Variants in LMTK2 observed in about 807,000 individuals in gnomAD.
LMTK2 encodes lemur tail kinase 2.
LMTK2 carries 37 observed loss-of-function variants against 127.5 expected under a neutral mutation model. The observed-to-expected ratio is 0.29, with a 90% CI of 0.22 to 0.38. The LOEUF (loss-of-function observed/expected upper bound fraction) is 0.38, where lower values mean the gene tolerates loss of function less well. Ranked by LOEUF, LMTK2 falls within the 10% of genes least tolerant of loss-of-function variation. The pLI is 1.00. For missense variants in LMTK2, 1,694 were observed against 1,920.3 expected (o/e 0.88, Z 2.20); for synonymous variants, 819 against 810.1 (o/e 1.01, Z -0.19).
chr7:98,144,457 T>C (rs897413588), intron 3 of LMTK2, among the ~76,000 whole-genome samples: 1 of 149,520 alleles, frequency 6.7e-6, no homozygotes. Context: ...AAAGAAAAAA[T>C]ATATATATAT....
At chr7:98,173,018 G>A (rs559547981) in intron 7 of LMTK2, among the ~76,000 whole-genome samples, 5 of 152,246 alleles carry the variant, frequency 3.3e-5, no homozygotes, top group South Asian at 4.2e-4. Flanking sequence ...TCAGCCTCCC[G>A]AAGTGCCAGG....
intron 5 of LMTK2, 90 bp from the exon 6 acceptor site, chr7:98,159,248 A>C: frequency 1.3e-6 from 1 of 742,764 alleles, no homozygotes; most frequent in Non-Finnish European, 2.1e-6. Flanking sequence ...TTGGATTACT[A>C]TTTGAATAAT....
At position 98,203,608 on chromosome 7, in the gene LMTK2, G is replaced by C; in HGVS notation, c.4142G>C (p.Gly1381Ala). Residue 1381 changes from glycine (G) to alanine (A), a missense_variant, in exon 12 of 14, where the codon GGA (glycine) becomes GCA (alanine). By Grantham distance (60) the Gly-to-Ala change is moderately conservative (BLOSUM62 0). This residue lies in a region of LMTK2 where 554 missense variants were observed against 567.7 expected (regional missense o/e 0.98). Transcript: ENST00000297293. ...TPTKELGPCGGEACGPDLSGP... is the reference protein window; with the variant it reads ...TPTKELGPCGAEACGPDLSGP... ...ACCAAAGAGCTGGGGCCCTGTGGAG[G>C]AGAGGCGTGCGGCCCGGACCTGAGC... The C allele has an allele frequency of 6.2e-7, 1 of 1,607,812 alleles. No individual in the cohort carries two copies. The highest frequency in any genetic ancestry group is 8.5e-7 in the Non-Finnish European group (1 of 1,178,544).
Position 98,107,228 on chromosome 7 carries a change from C to T in LMTK2, c.51C>T (p.Val17=), listed in dbSNP as rs1796121861. 6.8e-7 allele frequency: 1 copy of T among 1,462,788 alleles called. No individual in the cohort carries two copies. The highest frequency in any genetic ancestry group is 9.0e-7 in the Non-Finnish European group (1 of 1,114,878). 90.6% of individuals were successfully genotyped at this position (1,462,788 alleles called of 1,614,324 possible). ...GGAGGCTGCTGCTGCTGCTGCTGGTCCTCCTGATCGCCGGCAGTGCTGGGG... is the reference window on the plus strand; with the variant it reads ...GGAGGCTGCTGCTGCTGCTGCTGGTTCTCCTGATCGCCGGCAGTGCTGGGG... ...LRRRLLLLLL[V]LLIAGSAGAA... Residue 17 remains valine, a synonymous_variant, in exon 1 of 14, where the codon GTC becomes GTT. Transcript: ENST00000297293.
chr7:98,174,789 A>C (rs529321748), intron 7 of LMTK2, among the ~76,000 whole-genome samples: 1 of 152,338 alleles, frequency 6.6e-6, no homozygotes, highest in South Asian at 2.1e-4. Flanking sequence ...CACAGCCTGC[A>C]GAGTTCAATG....
chr7:98,167,346 A>G (rs570820861), intron 6 of LMTK2, among the ~76,000 whole-genome samples: 2 of 152,370 alleles, frequency 1.3e-5, no homozygotes, highest in African/African-American at 4.8e-5. Context: ...CAGACAAGGA[A>G]ATAAAACAGC....
chr7:98,139,806 G>A (rs1015009776), intron 2 of LMTK2, among the ~76,000 whole-genome samples: 2 of 152,168 alleles, frequency 1.3e-5, no homozygotes, highest in Non-Finnish European at 2.9e-5. Flanking sequence ...TTGGATGGGG[G>A]CTAGGAGAGG....
rs78769499 is a variant in LMTK2 at position 98,128,977 on chromosome 7, G to T, written c.104-8338G>T. On this transcript the variant is annotated intron_variant, in intron 1 of 13. Transcript: ENST00000297293. Reference sequence around the variant, plus strand: ...GTAAGCATCTCACCACTCCAATACAGTGTATGTCAACAGTGGGAAAATGTC... The same window carrying T: ...GTAAGCATCTCACCACTCCAATACATTGTATGTCAACAGTGGGAAAATGTC... Among the ~76,000 whole-genome samples, 318 of 152,276 alleles carry T rather than the reference G, an allele frequency of 2.1e-3. 3 individuals carry two copies. The highest frequency in any genetic ancestry group is 7.4e-3 in the African/African-American group (306 of 41,544).
At chr7:98,174,090 GTTTCATT>G (rs1324363245) in intron 7 of LMTK2, among the ~76,000 whole-genome samples, 2 of 107,868 alleles carry the variant, frequency 1.9e-5, no homozygotes, top group Non-Finnish European at 3.8e-5. Context: ...ATTGACAGCT[GTTTCATT>G]TTGTTGTAAA....
Position 98,161,304 on chromosome 7 carries a change from A to G in LMTK2, c.657+1879A>G, listed in dbSNP as rs558007371. ...ATTTTTTAACCTAACAAAGTCTAAA[A>G]TTAATATTTTAATCCTGCCCCAAAG... is the stretch of plus-strand genomic sequence containing the variant. On this transcript the variant is annotated intron_variant, in intron 6 of 13. Coordinates refer to ENST00000297293, the MANE Select transcript of LMTK2 (RefSeq NM_014916.4). 2.0e-5 allele frequency among the ~76,000 whole-genome samples: 3 copies of G among 152,336 alleles called. No individual in the cohort carries two copies. In the South Asian group the frequency reaches 6.2e-4, roughly 32 times the overall value.
At position 98,193,288 on chromosome 7, in the gene LMTK2, G is replaced by A; in HGVS notation, c.2823G>A (p.Glu941=). 1 of 1,613,868 alleles carries A rather than the reference G, an allele frequency of 6.2e-7. No homozygotes were observed. The highest frequency in any genetic ancestry group is 8.5e-7 in the Non-Finnish European group (1 of 1,180,032). ...SEDHHSHRRL[E]KNLEAVETLN... The stretch of plus-strand genomic sequence containing the variant: ...ACCATCACAGTCATCGCCGGCTAGA[G>A]AAAAACTTAGAGGCTGTGGAGACTT... The change falls in exon 11 of 14, where the codon GAG becomes GAA. Residue 941 remains glutamate, a synonymous_variant. Transcript: ENST00000297293. The surrounding 1 kb of genome is among the most constrained non-coding windows in gnomAD (Gnocchi z 4.1).
chr7:98,168,363 C>T (rs1287800927), intron 6 of LMTK2, among the ~76,000 whole-genome samples: 2 of 152,220 alleles, frequency 1.3e-5, no homozygotes, highest in Non-Finnish European at 2.9e-5. Context: ...TAGACACAGG[C>T]AGAGAGCTGC....
intron 1 of LMTK2, among the ~76,000 whole-genome samples, chr7:98,128,068 C>T (rs938399284): frequency 2.6e-5 from 4 of 152,072 alleles, no homozygotes; most frequent in Non-Finnish European, 5.9e-5. Context: ...CGCTTGAACC[C>T]GGGAGGTGGA....
At position 98,192,170 on chromosome 7, in the gene LMTK2, C is replaced by T. The variant is rs1273781150; in HGVS notation, c.1705C>T (p.Pro569Ser). 3 of 1,527,994 alleles carry T rather than the reference C, an allele frequency of 2.0e-6. No homozygotes were observed. Among genetic ancestry groups the T allele is most frequent in the Admixed American group, 2.2e-5 (1 of 45,650 alleles). The allele number at this position is 1,527,994 out of a possible 1,614,324, so 94.7% of individuals were successfully genotyped here. A position where few individuals can be genotyped will look rare whatever the true frequency, so the allele number is the denominator to read the frequency against. The change falls in exon 11 of 14, where the codon CCA becomes TCA. Residue 569 changes from proline to serine, a missense_variant. Transcript: ENST00000297293. ...SGSNLELDYP[P>S]ALLTTDMDNP... ...TAGTAACTTGGAGCTTGATTACCCA[C>T]CAGCGCTGCTCACAACCGACATGGA...
chr7:98,192,470 T>G lies in LMTK2; in HGVS notation c.2005T>G (p.Leu669Val). The G allele has an allele frequency of 6.2e-7, 1 of 1,611,556 alleles. No homozygotes were observed. The highest frequency in any genetic ancestry group is 1.1e-5 in the South Asian group (1 of 90,290). The change falls in exon 11 of 14, where the codon TTA becomes GTA. Residue 669 changes from leucine to valine, a missense_variant. This residue lies in a region of LMTK2 where 527 missense variants were observed against 539.8 expected (regional missense o/e 0.98). Transcript: ENST00000297293. Reference protein sequence around the residue: ...GVQADFKPATLSSSLDNPKES... With the variant: ...GVQADFKPATVSSSLDNPKES... ...TCAAGCCGACTTTAAACCTGCCACT[T>G]TAAGTTCCAGTTTGGATAACCCCAA...
chr7:98,125,609 A>G (rs1317779007), intron 1 of LMTK2, among the ~76,000 whole-genome samples: 2 of 152,168 alleles, frequency 1.3e-5, no homozygotes, highest in Admixed American at 6.5e-5. Flanking sequence ...ATTTGGGGGT[A>G]TTTTATCTTG....
chr7:98,191,452 T>A (rs1050008786), intron 10 of LMTK2, among the ~76,000 whole-genome samples, 162 bp from the exon 11 acceptor site: 1 of 151,686 alleles, frequency 6.6e-6, no homozygotes, highest in African/African-American at 2.4e-5. Flanking sequence ...CTCGGGAGGC[T>A]GAGGCAAGAG....
chr7:98,131,978 G>C (rs559156857), intron 1 of LMTK2, among the ~76,000 whole-genome samples: 28 of 152,308 alleles, frequency 1.8e-4, no homozygotes, highest in Admixed American at 1.6e-3. Flanking sequence ...GGAAATGATT[G>C]ATAGGAGGTT....
At chr7:98,151,343 G>C in intron 3 of LMTK2, 39 bp from the exon 4 acceptor site, 1 of 1,341,928 alleles carries the variant, frequency 7.5e-7, no homozygotes, top group Non-Finnish European at 1.1e-6. Context: ...TTAATATTTA[G>C]ATACTTATAT....
Sources: allele counts gnomAD v4.1 joint callset (sites outside exome capture counted in the v4.1 genomes callset), GRCh38; gene constraint gnomAD v4.1.1; regional missense constraint gnomAD v4.1.1; non-coding constraint Gnocchi (gnomAD v3.1); transcripts MANE v1.5; gene names NCBI Gene and HGNC (gene_info 2026-07-23, HGNC 2026-07-21).